The following NOL9 variants were observed in gnomAD, a reference collection of about 807,000 sequenced individuals.
NOL9 encodes the protein polynucleotide 5'-hydroxyl-kinase NOL9.
A neutral mutation model predicts 67.9 loss-of-function variants in NOL9; 28 were observed. That is an observed-to-expected ratio of 0.41 (90% CI 0.31 to 0.57). The LOEUF (loss-of-function observed/expected upper bound fraction) is 0.57, where lower values mean the gene tolerates loss of function less well. Ranked by LOEUF, NOL9 falls within the 20% of genes least tolerant of loss-of-function variation. The probability of loss-of-function intolerance (pLI) is 0.25; values close to 1 mark genes in which losing one functional copy is unlikely to be tolerated. For missense variants in NOL9, 777 were observed against 897.0 expected, an observed-to-expected ratio of 0.87 and a Z score of 1.71; for synonymous variants, 356 against 352.2, an observed-to-expected ratio of 1.01 and a Z score of -0.12.
At chr1:6,552,452 AT>A (rs1639564106) in intron 1 of NOL9, among the ~76,000 whole-genome samples, 1 of 152,086 alleles carries the variant, frequency 6.6e-6, no homozygotes. Context: ...TTTTAATTTT[AT>A]TTAATTTTTA....
chr1:6,530,015 A>T (rs1339518683), intron 9 of NOL9, among the ~76,000 whole-genome samples: 1 of 152,238 alleles, frequency 6.6e-6, no homozygotes, highest in Admixed American at 6.5e-5. Flanking sequence ...GCTACTTGGG[A>T]GGCTGAGGTA....
chr1:6,538,197 C>T (rs1053554283), intron 6 of NOL9, among the ~76,000 whole-genome samples: 1 of 151,976 alleles, frequency 6.6e-6, no homozygotes, highest in South Asian at 2.1e-4. Flanking sequence ...AATAGATACA[C>T]TGAACTTCAT....
intron 3 of NOL9, chr1:6,548,609 C>A: frequency 2.7e-6 from 1 of 375,444 alleles, no homozygotes; most frequent in South Asian, 2.3e-5. Flanking sequence ...AGCACAGAGT[C>A]AGAAAGCTAA....
chr1:6,550,502 G>T lies in NOL9; in HGVS notation c.510C>A (p.Thr170=). The T allele has an allele frequency of 6.2e-7, 1 of 1,613,998 alleles. No individual in the cohort carries two copies. Among genetic ancestry groups the T allele is most frequent in the Non-Finnish European group, 8.5e-7 (1 of 1,179,986 alleles). ...GTGCATGGATACTCAAGCAAGAGTG[G>T]GTATACACAGAGAAGATGTCTTGGG... ...QPAQDIFSVY[T]HSCLSIHALH... is the part of the protein sequence containing the mutation. Residue 170 remains threonine, a synonymous_variant, in exon 2 of 12, where the codon ACC becomes ACA. Coordinates refer to ENST00000377705, the MANE Select transcript of NOL9 (RefSeq NM_024654.5).
intron 6 of NOL9, among the ~76,000 whole-genome samples, chr1:6,538,432 G>A (rs1485554456): frequency 6.6e-6 from 1 of 152,196 alleles, no homozygotes; most frequent in Non-Finnish European, 1.5e-5. Flanking sequence ...AGGCACTTTA[G>A]GAGGCCAAGC....
chr1:6,528,873 A>G, intron 10 of NOL9, 121 bp downstream of exon 10: 1 of 911,654 alleles, frequency 1.1e-6, no homozygotes, highest in Non-Finnish European at 1.7e-6. Flanking sequence ...TATATAGATG[A>G]GTGGGGGTTC....
chr1:6,535,319 T>C (rs1284165415), intron 6 of NOL9, among the ~76,000 whole-genome samples: 2 of 152,292 alleles, frequency 1.3e-5, no homozygotes, highest in South Asian at 2.1e-4. Context: ...GAGCCAGGGC[T>C]CTCTGGAAAA....
At chr1:6,531,355 A>G (rs2148651482) in intron 9 of NOL9, among the ~76,000 whole-genome samples, 1 of 152,164 alleles carries the variant, frequency 6.6e-6, no homozygotes, top group Middle Eastern at 3.4e-3. Context: ...CTGGGACTAT[A>G]GGCACGTGCC....
At chr1:6,552,272 T>C (rs1639559521) in intron 1 of NOL9, among the ~76,000 whole-genome samples, 1 of 152,100 alleles carries the variant, frequency 6.6e-6, no homozygotes, top group African/African-American at 2.4e-5. Context: ...CCTGCGTATG[T>C]ACCCTGGAAC....
intron 9 of NOL9, among the ~76,000 whole-genome samples, chr1:6,531,628 T>C (rs1271188081): frequency 6.6e-6 from 1 of 152,068 alleles, no homozygotes; most frequent in Non-Finnish European, 1.5e-5. Flanking sequence ...AGCGGAAAAG[T>C]GGAAGTGCTG....
At position 6,550,493 on chromosome 1, in the gene NOL9, G is replaced by A. The variant is rs555910697; in HGVS notation, c.519C>T (p.Cys173=). The change falls in exon 2 of 12, where the codon TGC becomes TGT. Residue 173 remains cysteine, a synonymous_variant. Transcript: ENST00000377705. ...QDIFSVYTHS[C]LSIHALHYSQ... ...AGTAGTGAAGTGCATGGATACTCAA[G>A]CAAGAGTGGGTATACACAGAGAAGA... 6.2e-6 allele frequency: 10 copies of A among 1,614,078 alleles called. No homozygotes were observed. Among genetic ancestry groups the A allele is most frequent in the South Asian group, 2.2e-5 (2 of 91,082 alleles).
intron 3 of NOL9, among the ~76,000 whole-genome samples, chr1:6,546,633 G>C (rs1639426485): frequency 6.6e-6 from 1 of 152,154 alleles, no homozygotes. Flanking sequence ...CATGATGCCA[G>C]AACCGGACCC....
At chr1:6,550,683 CT>C (rs34186512) in intron 1 of NOL9, 68 bp from the exon 2 acceptor site, 35,888 of 585,138 alleles carry the variant, frequency 0.061, 19 homozygotes, top group Middle Eastern at 0.085. Flanking sequence ...ATTCTAAAAT[CT>C]TTTTTTTTTT....
chr1:6,545,235 T>G (rs577164926), intron 3 of NOL9, 55 bp from the exon 4 acceptor site: 9 of 1,529,080 alleles, frequency 5.9e-6, no homozygotes, highest in African/African-American at 1.4e-5. Context: ...TTTTCTTCAG[T>G]ACTAAATTAA....
At chr1:6,542,998 A>ATACTCC (rs563708299) in intron 5 of NOL9, among the ~76,000 whole-genome samples, 273 of 151,924 alleles carry the variant, frequency 1.8e-3, no homozygotes, top group African/African-American at 5.9e-3. Flanking sequence ...GGCTCAAGCA[A>ATACTCC]TACTCCCTCC....
At chr1:6,550,138 TCTC>T (rs2148662411) in intron 2 of NOL9, among the ~76,000 whole-genome samples, 1 of 152,244 alleles carries the variant, frequency 6.6e-6, no homozygotes, top group Non-Finnish European at 1.5e-5. Context: ...TTCAAGCGAT[TCTC>T]CTGTCTCGGC....
rs572292123 is a variant in NOL9 at position 6,534,332 on chromosome 1, C to T, written c.1076-891G>A. Among the ~76,000 whole-genome samples the T allele has an allele frequency of 1.1e-4, 16 of 152,326 alleles. No individual in the cohort carries two copies. The South Asian group carries it at 2.9e-3, about 28-fold the overall frequency. On this transcript the variant is annotated intron_variant, in intron 6 of 11. Coordinates refer to ENST00000377705, the MANE Select transcript of NOL9 (RefSeq NM_024654.5). ...TTAAACCCAGAGGGGCCGGCTCCTG[C>T]GTTCACACTCCTAATCATGACATAT... is the stretch of plus-strand genomic sequence containing the variant.
Position 6,525,720 on chromosome 1 carries a change from C to A in NOL9, c.*134G>T, listed in dbSNP as rs778224223. ...ACTTAAGACTACTATATGACATTCA[C>A]GAATTACACAAAAAACACTGTTGCT... is the stretch of plus-strand genomic sequence containing the variant. On this transcript the variant is annotated 3_prime_UTR_variant, in exon 12 of 12. Transcript: ENST00000377705. 12 of 905,988 alleles carry A rather than the reference C, an allele frequency of 1.3e-5. No individual in the cohort carries two copies. The highest frequency in any genetic ancestry group is 1.9e-5 in the Non-Finnish European group (11 of 577,854). 56.1% of individuals were successfully genotyped at this position (905,988 alleles called of 1,614,324 possible). A position where few individuals can be genotyped will look rare whatever the true frequency, so the allele number is the denominator to read the frequency against.
chr1:6,530,064 T>C (rs1018644329), intron 9 of NOL9, among the ~76,000 whole-genome samples: 2 of 151,968 alleles, frequency 1.3e-5, no homozygotes, highest in African/African-American at 4.8e-5. Flanking sequence ...AAGTGGAGAT[T>C]ACAGTGAGCC....
Sources: allele counts gnomAD v4.1 joint callset (sites outside exome capture counted in the v4.1 genomes callset), GRCh38; gene constraint gnomAD v4.1.1; transcripts MANE v1.5; gene names NCBI Gene and HGNC (gene_info 2026-07-23, HGNC 2026-07-21).